Variants in TNFRSF8 observed in about 807,000 individuals in gnomAD.
The protein encoded by TNFRSF8 is tumor necrosis factor receptor superfamily member 8.
In TNFRSF8, 26 loss-of-function variants were observed where a neutral mutation model predicts 70.8. The observed-to-expected ratio is 0.37, with a 90% CI of 0.27 to 0.51. The LOEUF is 0.51. TNFRSF8 is among the 20% of genes least tolerant of loss of function. TNFRSF8 has a pLI of 0.94. For synonymous variants in TNFRSF8, 356 were observed against 339.2 expected (o/e 1.05, Z -0.54); for missense variants, 720 against 807.9 (o/e 0.89, Z 1.32).
At chr1:12,103,716 C>A (rs1641465875) in intron 3 of TNFRSF8, among the ~76,000 whole-genome samples, 1 of 152,092 alleles carries the variant, frequency 6.6e-6, no homozygotes, top group Non-Finnish European at 1.5e-5. Context: ...ACTATGTCGC[C>A]ATATGAGGGC....
At chr1:12,083,437 C>T (rs1279396576) in intron 1 of TNFRSF8, among the ~76,000 whole-genome samples, 1 of 152,160 alleles carries the variant, frequency 6.6e-6, no homozygotes, top group Non-Finnish European at 1.5e-5. Flanking sequence ...ACCTGTAATC[C>T]CAGCACTTTG....
rs564245966 is a variant in TNFRSF8, at chr1:12,135,737, C to G, written c.1335+124C>G. The G allele has an allele frequency of 1.2e-5, 16 of 1,360,664 alleles. No homozygotes were observed. In the African/African-American group the frequency reaches 2.3e-4, roughly 20 times the overall value. 84.3% of individuals were successfully genotyped at this position (1,360,664 alleles called of 1,614,324 possible). ...GAGGGAGGGGACGGACTGGCCATTC[C>G]CCTCCCACAGTGCCCAGGGTGCAGG... On this transcript the variant is annotated intron_variant, in intron 13 of 14. Transcript: ENST00000263932.
At position 12,112,117 on chromosome 1, in the gene TNFRSF8, G is replaced by A. The variant is rs1281175929; in HGVS notation, c.793+103G>A. On this transcript the variant is annotated intron_variant, in intron 7 of 14. Transcript: ENST00000263932. The surrounding 1 kb of genome is among the most constrained non-coding windows in gnomAD (Gnocchi z 5.3). ...CCTTATGTTTGTGGGTTTTTGATGGGGGTCGCCTCTTTTCAGAGGGCTTCC... is the reference window on the plus strand; with the variant it reads ...CCTTATGTTTGTGGGTTTTTGATGGAGGTCGCCTCTTTTCAGAGGGCTTCC... 1.3e-6 allele frequency: 1 copy of A among 792,848 alleles called. No homozygotes were observed. The highest frequency in any genetic ancestry group is 2.0e-6 in the Non-Finnish European group (1 of 489,360). The allele number at this position is 792,848 out of a possible 1,614,324, so 49.1% of individuals were successfully genotyped here. A position where few individuals can be genotyped will look rare whatever the true frequency, so the allele number is the denominator to read the frequency against.
chr1:12,095,246 C>T (rs1225498811), intron 2 of TNFRSF8, among the ~76,000 whole-genome samples: 1 of 151,868 alleles, frequency 6.6e-6, no homozygotes, highest in Non-Finnish European at 1.5e-5. Flanking sequence ...GTTATTTTAC[C>T]CTATTATTTA....
intron 12 of TNFRSF8, among the ~76,000 whole-genome samples, chr1:12,133,010 G>A (rs778004863): frequency 2.6e-5 from 4 of 152,092 alleles, no homozygotes; most frequent in East Asian, 1.9e-4. Flanking sequence ...GAGTTTCACC[G>A]CCAAGGAGGC....
chr1:12,090,237 C>T (rs1275064394), intron 2 of TNFRSF8, among the ~76,000 whole-genome samples: 1 of 147,608 alleles, frequency 6.8e-6, no homozygotes, highest in Non-Finnish European at 1.5e-5. Flanking sequence ...CCACCTTTCC[C>T]CATCCATCTA....
At chr1:12,123,237 A>G in intron 8 of TNFRSF8, 47 bp from the exon 9 acceptor site, 1 of 1,544,480 alleles carries the variant, frequency 6.5e-7, no homozygotes, top group Non-Finnish European at 8.8e-7. Flanking sequence ...TCCTGGAGAC[A>G]CCAGCCTCCT....
chr1:12,123,505 A>C (rs1641872308), intron 9 of TNFRSF8, 128 bp downstream of exon 9: 2 of 980,672 alleles, frequency 2.0e-6, no homozygotes, highest in East Asian at 2.6e-5. Flanking sequence ...CTTTTGTTAA[A>C]TGTGTGCCCA....
rs1332734584 is a variant in TNFRSF8 at position 12,133,512 on chromosome 1, C to T, written c.1310-2076C>T. Among the ~76,000 whole-genome samples, 31 of 151,858 alleles carry T rather than the reference C, an allele frequency of 2.0e-4. No individual in the cohort carries two copies. In the East Asian group the frequency reaches 3.3e-3, roughly 16 times the overall value. ...ATCCCAGCACTTTGGGAGGCCGAGG[C>T]GGGTGGATCACGAGGTCAAGAGATC... is the stretch of plus-strand genomic sequence containing the variant. On this transcript the variant is annotated intron_variant, in intron 12 of 14. Transcript: ENST00000263932.
At chr1:12,136,649 G>GAA (rs55656730) in intron 13 of TNFRSF8, among the ~76,000 whole-genome samples, 4,412 of 122,188 alleles carry the variant, frequency 0.036, 122 homozygotes, top group Non-Finnish European at 0.052. Flanking sequence ...GACTCCATCT[G>GAA]AAAAAAAAAA....
At chr1:12,099,681 C>T (rs1335606549) in intron 3 of TNFRSF8, among the ~76,000 whole-genome samples, 1 of 151,612 alleles carries the variant, frequency 6.6e-6, no homozygotes, top group African/African-American at 2.4e-5. Flanking sequence ...GCAATTTTGT[C>T]GTTGTGCAAG....
At chr1:12,133,125 C>T (rs910808401) in intron 12 of TNFRSF8, among the ~76,000 whole-genome samples, 3 of 151,958 alleles carry the variant, frequency 2.0e-5, no homozygotes, top group Non-Finnish European at 4.4e-5. Context: ...TTTTTGTTTT[C>T]TTTCGGGTTA....
rs1174077011 is a variant in TNFRSF8, at chr1:12,113,619, A to C, written c.793+1605A>C. On this transcript the variant is annotated intron_variant, in intron 7 of 14. Transcript: ENST00000263932. This position sits in a 1 kb window ranked among gnomAD's most constrained non-coding sequence, Gnocchi z 4.9. ...AGAGAGAGAGTGAGAGAGAGACAGA[A>C]AGAGGGAGAGAGAGAGACAGAAAGA... Among the ~76,000 whole-genome samples the C allele has an allele frequency of 1.3e-5, 2 of 150,456 alleles. No homozygotes were observed. The highest frequency in any genetic ancestry group is 4.9e-5 in the African/African-American group (2 of 40,762).
At chr1:12,139,346 C>T (rs1464727310) in intron 14 of TNFRSF8, among the ~76,000 whole-genome samples, 1 of 152,160 alleles carries the variant, frequency 6.6e-6, no homozygotes, top group Non-Finnish European at 1.5e-5. Context: ...TCTGTCACTT[C>T]TGAGCTTCTC....
At chr1:12,069,195 TTTGATGGA>T (rs1640795304) in intron 1 of TNFRSF8, among the ~76,000 whole-genome samples, 1 of 117,936 alleles carries the variant, frequency 8.5e-6, no homozygotes, top group Admixed American at 7.9e-5. Context: ...TTTTTTTTTT[TTTGATGGA>T]GTTTCGCTCT....
At chr1:12,089,409 C>T (rs1641208806) in intron 2 of TNFRSF8, among the ~76,000 whole-genome samples, 1 of 152,220 alleles carries the variant, frequency 6.6e-6, no homozygotes, top group African/African-American at 2.4e-5. Flanking sequence ...CATTGTCCCC[C>T]TGGCACCTCC....
chr1:12,086,066 C>T (rs949819063), intron 2 of TNFRSF8, among the ~76,000 whole-genome samples: 4 of 152,120 alleles, frequency 2.6e-5, no homozygotes, highest in African/African-American at 7.2e-5. Flanking sequence ...ACAGTGGGGG[C>T]GGAGGGGCCC....
At chr1:12,069,169 C>CA (rs1557571131) in intron 1 of TNFRSF8, among the ~76,000 whole-genome samples, 2 of 124,478 alleles carry the variant, frequency 1.6e-5, no homozygotes, top group Non-Finnish European at 3.2e-5. Flanking sequence ...CTGCACCCGG[C>CA]CTTTTTTTTT....
At chr1:12,074,284 CTT>C (rs112610085) in intron 1 of TNFRSF8, among the ~76,000 whole-genome samples, 9 of 144,756 alleles carry the variant, frequency 6.2e-5, no homozygotes, top group Admixed American at 7.0e-5. Flanking sequence ...TTCTTTCTTT[CTT>C]TTTTTTTTTT....
Sources: gnomAD v4.1 joint callset for allele counts (sites outside exome capture counted in the v4.1 genomes callset) on GRCh38, gnomAD v4.1.1 for gene constraint, Gnocchi (gnomAD v3.1) non-coding constraint, MANE v1.5 for transcripts, NCBI Gene and HGNC (gene_info 2026-07-23, HGNC 2026-07-21) for gene names.